The following INPP5A variants were observed in gnomAD, a reference collection of about 807,000 sequenced individuals.
The protein encoded by INPP5A is inositol polyphosphate-5-phosphatase A.
A neutral mutation model predicts 65.2 loss-of-function variants in INPP5A; 14 were observed. The ratio of observed to expected loss-of-function variants is 0.21; its 90% CI spans 0.14 to 0.34. The LOEUF (loss-of-function observed/expected upper bound fraction) is 0.34, where lower values mean the gene tolerates loss of function less well. Ranked by LOEUF, INPP5A falls within the 10% of genes least tolerant of loss-of-function variation. The pLI is 1.00. For synonymous variants in INPP5A, 207 were observed against 208.3 expected (o/e 0.99, Z 0.05); for missense variants, 431 against 545.6 (o/e 0.79, Z 2.09).
At chr10:132,770,880 C>T (rs916284401) in intron 12 of INPP5A, among the ~76,000 whole-genome samples, 1 of 152,140 alleles carries the variant, frequency 6.6e-6, no homozygotes, top group Non-Finnish European at 1.5e-5. Context: ...GCAGCACCTT[C>T]CTCAGAATAT....
intron 1 of INPP5A, among the ~76,000 whole-genome samples, chr10:132,606,152 G>A (rs902076059): frequency 2.0e-5 from 3 of 152,208 alleles, no homozygotes; most frequent in African/African-American, 7.2e-5. Flanking sequence ...GCTGCAGCTG[G>A]ATGTGGGGCT....
At chr10:132,731,099 C>T (rs574957161) in intron 9 of INPP5A, among the ~76,000 whole-genome samples, 15 of 152,290 alleles carry the variant, frequency 9.8e-5, no homozygotes, top group South Asian at 2.1e-4. Context: ...GGGGTCTCCA[C>T]GCTGCCTGGC....
At chr10:132,758,154 T>C (rs1295019703) in intron 11 of INPP5A, among the ~76,000 whole-genome samples, 2 of 90,640 alleles carry the variant, frequency 2.2e-5, no homozygotes, top group Non-Finnish European at 4.7e-5. Context: ...TGTGGGTCCC[T>C]GGCTGACCCC....
chr10:132,689,839 A>C (rs1472211525), intron 4 of INPP5A, among the ~76,000 whole-genome samples: 2 of 152,184 alleles, frequency 1.3e-5, no homozygotes, highest in Non-Finnish European at 2.9e-5. Context: ...CCATCCGGCT[A>C]ATTTGTAAGT....
intron 8 of INPP5A, among the ~76,000 whole-genome samples, chr10:132,715,090 C>T (rs1845717348): frequency 6.6e-6 from 1 of 152,224 alleles, no homozygotes; most frequent in Non-Finnish European, 1.5e-5. Flanking sequence ...CGGTCCCTCT[C>T]CTGGACACAC....
chr10:132,688,010 G>A (rs1301909680), intron 4 of INPP5A, among the ~76,000 whole-genome samples: 1 of 152,190 alleles, frequency 6.6e-6, no homozygotes, highest in East Asian at 1.9e-4. Flanking sequence ...TGTCCATGTG[G>A]CCAGCGTCCC....
rs937415495 is a variant in INPP5A, at chr10:132,547,599, TCTC to T, written c.75+9434_75+9436del. Among the ~76,000 whole-genome samples the T allele has an allele frequency of 2.4e-4, 36 of 152,208 alleles. No homozygotes were observed. Among genetic ancestry groups the T allele is most frequent in the African/African-American group, 8.7e-4 (36 of 41,536 alleles). ...GCCGTCGCCCTGGGCTGACCTCCCA[TCTC>T]CTCCTTCTCTACCCAAGCGCCCGTG... On this transcript the variant is annotated intron_variant, in intron 1 of 15. Coordinates refer to ENST00000368594, the MANE Select transcript of INPP5A (RefSeq NM_005539.5). The surrounding 1 kb of genome is among the most constrained non-coding windows in gnomAD (Gnocchi z 5.5).
At chr10:132,609,832 A>T (rs1489265833) in intron 2 of INPP5A, among the ~76,000 whole-genome samples, 5 of 152,070 alleles carry the variant, frequency 3.3e-5, no homozygotes, top group Admixed American at 3.3e-4. Context: ...TTTAGTAGAG[A>T]CGGGGTTTCA....
At chr10:132,703,914 A>C (rs1361885973) in intron 6 of INPP5A, among the ~76,000 whole-genome samples, 7 of 53,942 alleles carry the variant, frequency 1.3e-4, no homozygotes, top group African/African-American at 3.1e-4. Context: ...CTTCACCCCC[A>C]CACACACACG....
intron 9 of INPP5A, among the ~76,000 whole-genome samples, chr10:132,748,871 C>G (rs1189571119): frequency 6.6e-6 from 1 of 152,248 alleles, no homozygotes; most frequent in Non-Finnish European, 1.5e-5. Flanking sequence ...CCTTGGTCCT[C>G]CTGGTCGGTG....
chr10:132,615,224 C>T (rs758238189), intron 2 of INPP5A, among the ~76,000 whole-genome samples: 1 of 152,218 alleles, frequency 6.6e-6, no homozygotes, highest in East Asian at 1.9e-4. Context: ...CGTGGCGGCC[C>T]GCAGCCCGTG....
intron 14 of INPP5A, 60 bp downstream of exon 14, chr10:132,780,977 G>T: frequency 7.8e-7 from 1 of 1,284,842 alleles, no homozygotes; most frequent in Non-Finnish European, 1.1e-6. Flanking sequence ...TAGGGGGCCG[G>T]GGGGCTGGGG....
At position 132,546,240 on chromosome 10, in the gene INPP5A, G is replaced by A. The variant is rs1343997604; in HGVS notation, c.75+8069G>A. On this transcript the variant is annotated intron_variant, in intron 1 of 15. Transcript: ENST00000368594. The surrounding 1 kb of genome is among the most constrained non-coding windows in gnomAD (Gnocchi z 5.7). The stretch of plus-strand genomic sequence containing the variant: ...GTGATGGCGCTCCCAGCCCGCGGGG[G>A]TCTTGGCGTTGGCGCAGAAGTGGTT... Among the ~76,000 whole-genome samples, 1 of 152,258 alleles carries A rather than the reference G, an allele frequency of 6.6e-6. No individual in the cohort carries two copies. Among genetic ancestry groups the A allele is most frequent in the African/African-American group, 2.4e-5 (1 of 41,472 alleles).
At chr10:132,711,318 C>G (rs1845633620) in intron 8 of INPP5A, among the ~76,000 whole-genome samples, 1 of 152,222 alleles carries the variant, frequency 6.6e-6, no homozygotes, top group African/African-American at 2.4e-5. Context: ...GTGTCCCTCC[C>G]CATCTACAGC....
At chr10:132,749,926 T>C in intron 11 of INPP5A, 81 bp downstream of exon 11, 1 of 1,220,082 alleles carries the variant, frequency 8.2e-7, no homozygotes. Context: ...TCTGCTTACC[T>C]GGGACCACCC....
chr10:132,613,039 G>A (rs2133350158), intron 2 of INPP5A, among the ~76,000 whole-genome samples: 1 of 152,314 alleles, frequency 6.6e-6, no homozygotes, highest in Middle Eastern at 3.4e-3. Context: ...ACCCCAACTT[G>A]ACAGACCTCA....
At chr10:132,590,035 A>G (rs1277825238) in intron 1 of INPP5A, among the ~76,000 whole-genome samples, 2 of 152,226 alleles carry the variant, frequency 1.3e-5, no homozygotes, top group African/African-American at 4.8e-5. Context: ...ATGGTTTCAC[A>G]TTGTCAACAC....
At chr10:132,725,259 T>C (rs1456436547) in intron 8 of INPP5A, among the ~76,000 whole-genome samples, 1 of 152,324 alleles carries the variant, frequency 6.6e-6, no homozygotes, top group East Asian at 1.9e-4. Context: ...TGAAATACAG[T>C]GGTGATGGTT....
At position 132,778,849 on chromosome 10, in the gene INPP5A, AC is replaced by A. The variant is rs374289122; in HGVS notation, c.1089+1068del. ...TGCCAGACGGCACCAGACCCCAGGC[AC>A]AGCAAACACCTGGGTACAGGTGTGC... On this transcript the variant is annotated intron_variant, in intron 13 of 15. Transcript: ENST00000368594. Among the ~76,000 whole-genome samples, 318 of 152,334 alleles carry A rather than the reference AC, an allele frequency of 2.1e-3. 3 individuals are homozygous for A. Among genetic ancestry groups the A allele is most frequent in the African/African-American group, 6.3e-3 (260 of 41,578 alleles).
Sources: gnomAD v4.1 joint callset for allele counts (sites outside exome capture counted in the v4.1 genomes callset) on GRCh38, gnomAD v4.1.1 for gene constraint, Gnocchi (gnomAD v3.1) non-coding constraint, MANE v1.5 for transcripts, NCBI Gene and HGNC (gene_info 2026-07-23, HGNC 2026-07-21) for gene names.